CELF6: variants seen among roughly 807,000 people sequenced by gnomAD.
CELF6 encodes the protein CUGBP Elav-like family member 6, also known as Bruno -like 6, RNA binding protein.
In CELF6, 32 loss-of-function variants were observed where a neutral mutation model predicts 53.1. The ratio of observed to expected loss-of-function variants is 0.60; its 90% confidence interval spans 0.46 to 0.81. The LOEUF (loss-of-function observed/expected upper bound fraction) is 0.81, where lower values mean the gene tolerates loss of function less well. Among genes scored for constraint, CELF6 ranks in the 30% least tolerant of loss-of-function variants. The pLI is 0.00. For missense variants in CELF6, 539 were observed against 669.5 expected (o/e 0.81, Z 2.15); for synonymous variants, 291 against 288.8 (o/e 1.01, Z -0.08).
chr15:72,313,812 GCTGTTACTATTA>G (rs2088329847), intron 2 of CELF6: 1 of 841,618 alleles, frequency 1.2e-6, no homozygotes, highest in African/African-American at 1.9e-5. Context: ...TACTAATGCT[GCTGTTACTATTA>G]CTGTTACTAT....
intron 3 of CELF6, among the ~76,000 whole-genome samples, chr15:72,293,037 T>G (rs1318501751): frequency 6.6e-6 from 1 of 152,152 alleles, no homozygotes; most frequent in Non-Finnish European, 1.5e-5. Flanking sequence ...AAAAAATTTT[T>G]TTTTCCATTT....
intron 2 of CELF6, among the ~76,000 whole-genome samples, chr15:72,306,928 G>A (rs370147680): frequency 8.2e-4 from 125 of 152,174 alleles, no homozygotes; most frequent in African/African-American, 2.9e-3. Context: ...GAGAAAGACA[G>A]TTCTAGAAAG....
At chr15:72,315,632 T>C (rs2088352454) in intron 2 of CELF6, among the ~76,000 whole-genome samples, 1 of 152,216 alleles carries the variant, frequency 6.6e-6, no homozygotes, top group Non-Finnish European at 1.5e-5. Context: ...GTGGAACGCC[T>C]GGCCCAAGGA....
chr15:72,289,274 C>G lies in CELF6; in HGVS notation c.894G>C (p.Pro298=). 1.3e-6 allele frequency: 2 copies of G among 1,576,150 alleles called. No homozygotes were observed. Among genetic ancestry groups the G allele is most frequent in the Non-Finnish European group, 8.6e-7 (1 of 1,165,834 alleles). ...PLLPAAAANS[P]PGSGPGTLPG... ...GGAGGGTGCCAGGGCCGCTGCCAGG[C>G]GGGGAGTTGGCTGCTGATGGCGGAA... The change falls in exon 8 of 13, where the codon CCG becomes CCC. Residue 298 remains proline (P), a synonymous_variant. Coordinates refer to ENST00000287202, the MANE Select transcript of CELF6 (RefSeq NM_052840.5). The surrounding 1 kb of genome is among the most constrained non-coding windows in gnomAD (Gnocchi z 7.6).
intron 2 of CELF6, among the ~76,000 whole-genome samples, chr15:72,315,399 A>G (rs1334084238): frequency 1.3e-5 from 2 of 152,144 alleles, no homozygotes; most frequent in Non-Finnish European, 2.9e-5. Context: ...AATCTTAGTG[A>G]GTCAAGGCAC....
At chr15:72,312,484 C>T (rs1239146135) in intron 2 of CELF6, among the ~76,000 whole-genome samples, 1 of 152,082 alleles carries the variant, frequency 6.6e-6, no homozygotes, top group African/African-American at 2.4e-5. Context: ...AAAAAATTAG[C>T]TTGGCGCGGT....
At chr15:72,294,594 A>C (rs1461338426) in intron 3 of CELF6, among the ~76,000 whole-genome samples, 6 of 152,242 alleles carry the variant, frequency 3.9e-5, no homozygotes, top group African/African-American at 1.4e-4. Context: ...CAAATAACCC[A>C]ATTCAGCAAA....
intron 12 of CELF6, 57 bp downstream of exon 12, chr15:72,287,180 A>G: frequency 6.6e-7 from 1 of 1,509,198 alleles, no homozygotes; most frequent in Non-Finnish European, 9.0e-7. Flanking sequence ...GGACCATCAA[A>G]GCTGGGAGGG....
chr15:72,306,601 A>G lies in CELF6; in HGVS notation c.346-1807T>C, dbSNP rs2088234440. Among the ~76,000 whole-genome samples, 3 of 150,382 alleles carry G rather than the reference A, an allele frequency of 2.0e-5. No homozygotes were observed. In the South Asian group the frequency reaches 6.3e-4, roughly 32 times the overall value. Reference sequence around the variant, plus strand: ...AAAGAGAACAGGCCAAGTCTGAACCAGCGCAACTCCCCTCCCACCCAGGGC... The same window carrying G: ...AAAGAGAACAGGCCAAGTCTGAACCGGCGCAACTCCCCTCCCACCCAGGGC... On this transcript the variant is annotated intron_variant, in intron 2 of 12. Transcript: ENST00000287202.
In CELF6 at chr15:72,302,356, G is replaced by T. The variant is rs1268201848; in HGVS notation, c.394+2390C>A. Among the ~76,000 whole-genome samples the T allele has an allele frequency of 2.6e-5, 4 of 152,186 alleles. No individual in the cohort carries two copies. The East Asian group carries it at 5.8e-4, about 22-fold the overall frequency. ...CTTCTTGAGAGCCACCACTTGTCCA[G>T]AAATATCTGTGTAACACAACTGCTA... is the stretch of plus-strand genomic sequence containing the variant. On this transcript the variant is annotated intron_variant, in intron 3 of 12. Transcript: ENST00000287202.
chr15:72,302,169 G>A (rs1276427821), intron 3 of CELF6, among the ~76,000 whole-genome samples: 1 of 152,194 alleles, frequency 6.6e-6, no homozygotes, highest in East Asian at 1.9e-4. Flanking sequence ...AGATCTGTTA[G>A]TATTAAAATA....
chr15:72,298,862 T>C (rs1033509264), intron 3 of CELF6, among the ~76,000 whole-genome samples: 16 of 152,146 alleles, frequency 1.1e-4, no homozygotes, highest in African/African-American at 3.9e-4. Context: ...TCTGAGGGAT[T>C]TGGGGATCCT....
intron 3 of CELF6, among the ~76,000 whole-genome samples, chr15:72,304,536 C>T (rs1053492757): frequency 9.2e-5 from 14 of 152,274 alleles, no homozygotes; most frequent in Admixed American, 4.6e-4. Context: ...CCCTTCTTGC[C>T]TCTTCTGGGC....
At chr15:72,292,151 A>G in intron 3 of CELF6, 1 of 1,374,996 alleles carries the variant, frequency 7.3e-7, no homozygotes, top group Non-Finnish European at 1.0e-6. Context: ...ATCCTCCCCT[A>G]ATACTCCCTA....
chr15:72,319,683 CG>C lies in CELF6; in HGVS notation c.191del (p.Pro64ArgfsTer12). 6.3e-7 allele frequency: 1 copy of C among 1,588,542 alleles called. No individual in the cohort carries two copies. The highest frequency in any genetic ancestry group is 8.6e-7 in the Non-Finnish European group (1 of 1,167,282). On this transcript the variant is annotated frameshift_variant, in exon 1 of 13. Transcript: ENST00000287202. LOFTEE classifies it high-confidence loss of function. The surrounding 1 kb of genome is among the most constrained non-coding windows in gnomAD (Gnocchi z 5.0). ...PRGLDEQDLKPLFEEFGRIYE... is the reference protein window; with the variant it reads ...PRGLDEQDLKXLFEEFGRIYE... The stretch of plus-strand genomic sequence containing the variant: ...AGATGCGGCCGAACTCCTCGAACAG[CG>C]GCTTGAGGTCCTGCTCGTCCAAGCC...
rs138690830 is a variant in CELF6 at position 72,290,249 on chromosome 15, C to T, written c.401G>A (p.Arg134Gln). ...GCCCAGCATCCCCACAAACAGCTTT[C>T]GGTCCTCTGGGGACAAAGCCAGGAA... ...PAASEGRGED[R>Q]KLFVGMLGKQ... Residue 134 changes from arginine to glutamine, a missense_variant, in exon 4 of 13, where the codon CGA becomes CAA. By Grantham distance (43) the Arg-to-Gln change is conservative. This residue lies in a region of CELF6 where 97 missense variants were observed against 168.8 expected (regional missense o/e 0.57). Transcript: ENST00000287202. 6.2e-7 allele frequency: 1 copy of T among 1,613,092 alleles called. No individual in the cohort carries two copies. Among genetic ancestry groups the T allele is most frequent in the South Asian group, 1.1e-5 (1 of 90,842 alleles).
chr15:72,315,055 G>T (rs116610578), intron 2 of CELF6, among the ~76,000 whole-genome samples: 3,621 of 152,110 alleles, frequency 0.024, 81 homozygotes, highest in African/African-American at 0.059. Flanking sequence ...GTAGACAAAC[G>T]ACTCTCTTAA....
chr15:72,290,475 G>A (rs927224088), intron 3 of CELF6, among the ~76,000 whole-genome samples: 15 of 152,206 alleles, frequency 9.9e-5, no homozygotes, highest in African/African-American at 3.6e-4. Context: ...GAAAACCTGG[G>A]TCCTGGGGAA....
chr15:72,316,743 C>T (rs1329854793), intron 1 of CELF6, among the ~76,000 whole-genome samples: 1 of 152,204 alleles, frequency 6.6e-6, no homozygotes, highest in Non-Finnish European at 1.5e-5. Flanking sequence ...GCAGCACTCT[C>T]CTCCTTTCCA....
Sources: allele counts gnomAD v4.1 joint callset (sites outside exome capture counted in the v4.1 genomes callset), GRCh38; gene constraint gnomAD v4.1.1; regional missense constraint gnomAD v4.1.1; non-coding constraint Gnocchi (gnomAD v3.1); transcripts MANE v1.5; gene names NCBI Gene and HGNC (gene_info 2026-07-23, HGNC 2026-07-21).